ATXN2: variants seen among roughly 807,000 people sequenced by gnomAD.
ATXN2 encodes ataxin 2, also known as ataxin-2.
A neutral mutation model predicts 138.6 loss-of-function variants in ATXN2; 37 were observed. That is an observed-to-expected ratio of 0.27 (90% CI 0.21 to 0.35). ATXN2 has a LOEUF of 0.35. Among genes scored for constraint, ATXN2 ranks in the 10% least tolerant of loss-of-function variants. The probability of loss-of-function intolerance (pLI) is 1.00; values close to 1 mark genes in which losing one functional copy is unlikely to be tolerated. For synonymous variants in ATXN2, 549 were observed against 543.7 expected (o/e 1.01, Z -0.13); for missense variants, 1,216 against 1,480.3 (o/e 0.82, Z 2.93).
At chr12:111,596,845 A>C (rs997554646) in intron 1 of ATXN2, among the ~76,000 whole-genome samples, 3 of 152,196 alleles carry the variant, frequency 2.0e-5, no homozygotes, top group Non-Finnish European at 2.9e-5. Flanking sequence ...TTGATCACTC[A>C]AACTACTCAG....
chr12:111,524,467 T>C (rs1880369041), intron 6 of ATXN2, among the ~76,000 whole-genome samples: 1 of 152,180 alleles, frequency 6.6e-6, no homozygotes, highest in Non-Finnish European at 1.5e-5. Flanking sequence ...TTTGTTTTTA[T>C]TTTTATTTCT....
intron 5 of ATXN2, among the ~76,000 whole-genome samples, chr12:111,539,563 C>G (rs1193941236): frequency 6.7e-6 from 1 of 149,668 alleles, no homozygotes; most frequent in Admixed American, 6.7e-5. Context: ...TTGGCTAACA[C>G]GGTGAAACCC....
In ATXN2 at chr12:111,516,663, A is replaced by G. The variant is rs1044001980; in HGVS notation, c.1166-300T>C. Among the ~76,000 whole-genome samples, 1 of 152,238 alleles carries G rather than the reference A, an allele frequency of 6.6e-6. No homozygotes were observed. Among genetic ancestry groups the G allele is most frequent in the Non-Finnish European group, 1.5e-5 (1 of 68,042 alleles). ...GACTTTGCCTATTAATCCTGCTTCT[A>G]TAACTGTTTCTCAGTAACTGGTTGT... is the stretch of plus-strand genomic sequence containing the variant. On this transcript the variant is annotated intron_variant, in intron 9 of 24. Coordinates refer to ENST00000673436, the MANE Select transcript of ATXN2 (RefSeq NM_001372574.1). This position sits in a 1 kb window ranked among gnomAD's most constrained non-coding sequence, Gnocchi z 5.0.
intron 1 of ATXN2, chr12:111,581,447 AAGG>A (rs1172449742): frequency 1.2e-6 from 1 of 825,446 alleles, no homozygotes; most frequent in African/African-American, 1.7e-5. Flanking sequence ...TGAGATGCTC[AAGG>A]AGGAGCAAGA....
chr12:111,586,064 ATT>A (rs759657914), intron 1 of ATXN2, among the ~76,000 whole-genome samples: 8 of 150,472 alleles, frequency 5.3e-5, no homozygotes, highest in Non-Finnish European at 7.4e-5. Context: ...GACTGGCTAA[ATT>A]TTTTGTATTA....
chr12:111,507,117 G>A (rs1221834714), intron 14 of ATXN2, among the ~76,000 whole-genome samples: 1 of 151,996 alleles, frequency 6.6e-6, no homozygotes, highest in African/African-American at 2.4e-5. Context: ...GTCTCTGCCT[G>A]GCCACCCATC....
chr12:111,572,139 C>A (rs1229170995), intron 1 of ATXN2, among the ~76,000 whole-genome samples: 1 of 152,108 alleles, frequency 6.6e-6, no homozygotes, highest in East Asian at 1.9e-4. Flanking sequence ...GTGGTTCACA[C>A]TGGTAATCCC....
intron 17 of ATXN2, 84 bp from the exon 18 acceptor site, chr12:111,485,415 G>A: frequency 2.3e-6 from 3 of 1,316,618 alleles, no homozygotes; most frequent in Middle Eastern, 1.9e-4. Context: ...TATATTGCTA[G>A]AGAGCTAGGC....
chr12:111,535,353 G>A (rs180846082), intron 5 of ATXN2, among the ~76,000 whole-genome samples: 2 of 152,284 alleles, frequency 1.3e-5, no homozygotes, highest in South Asian at 2.1e-4. Context: ...AGGGGGCCGC[G>A]GTGGCTCACG....
At chr12:111,500,391 G>A (rs1054857328) in intron 14 of ATXN2, among the ~76,000 whole-genome samples, 9 of 152,272 alleles carry the variant, frequency 5.9e-5, no homozygotes, top group African/African-American at 1.9e-4. Context: ...ATTCTTACTC[G>A]TTTGCAGGCA....
In ATXN2 at chr12:111,597,963, G is replaced by A. The variant is rs1885019714; in HGVS notation, c.251+821C>T. The A allele has an allele frequency of 1.3e-5, 16 of 1,230,078 alleles. No homozygotes were observed. The Admixed American group carries it at 3.0e-4, about 23-fold the overall frequency. The allele number at this position is 1,230,078 out of a possible 1,614,324, so 76.2% of individuals were successfully genotyped here. A position where few individuals can be genotyped will look rare whatever the true frequency, so the allele number is the denominator to read the frequency against. The stretch of plus-strand genomic sequence containing the variant: ...CCACTGCGGCCTCGAACAGCAATGC[G>A]GATCGGCCACCACCCGCGCGCCGGA... On this transcript the variant is annotated intron_variant, in intron 1 of 24. Transcript: ENST00000673436.
intron 11 of ATXN2, 32 bp from the exon 12 acceptor site, chr12:111,510,614 TC>T: frequency 1.9e-6 from 3 of 1,553,140 alleles, no homozygotes; most frequent in Non-Finnish European, 2.6e-6. Context: ...TTTATTACAT[TC>T]TCAGTTCAAA....
intron 18 of ATXN2, among the ~76,000 whole-genome samples, chr12:111,480,421 T>C (rs1004848844): frequency 1.1e-4 from 17 of 152,196 alleles, no homozygotes; most frequent in African/African-American, 4.1e-4. Flanking sequence ...CACCTCAGCC[T>C]CTCAGCCTCC....
intron 1 of ATXN2, among the ~76,000 whole-genome samples, chr12:111,583,483 T>C (rs944090106): frequency 8.6e-5 from 13 of 152,006 alleles, no homozygotes; most frequent in Non-Finnish European, 1.6e-4. Context: ...GAGTGAACCA[T>C]GGCCAGGCAC....
intron 1 of ATXN2, among the ~76,000 whole-genome samples, chr12:111,557,607 T>C (rs1259546579): frequency 2.6e-5 from 4 of 152,176 alleles, no homozygotes; most frequent in African/African-American, 9.7e-5. Context: ...CAGTCAAGTA[T>C]CTTGACCAAA....
intron 5 of ATXN2, among the ~76,000 whole-genome samples, chr12:111,532,161 G>C (rs997430251): frequency 2.4e-4 from 37 of 152,100 alleles, no homozygotes; most frequent in Non-Finnish European, 2.5e-4. Flanking sequence ...GGCCAGAGCG[G>C]ATACCATATC....
intron 1 of ATXN2, chr12:111,581,706 C>A: frequency 1.5e-6 from 1 of 674,332 alleles, no homozygotes; most frequent in Non-Finnish European, 2.8e-6. Context: ...AACATCTGGG[C>A]CCTGATTGTG....
At chr12:111,457,129 A>G in intron 22 of ATXN2, 85 bp downstream of exon 22, 3 of 1,480,650 alleles carry the variant, frequency 2.0e-6, no homozygotes, top group Non-Finnish European at 2.7e-6. Context: ...ATGTGTTCTG[A>G]CGATGCGATA....
chr12:111,572,744 A>C (rs1468096264), intron 1 of ATXN2, among the ~76,000 whole-genome samples: 1 of 152,196 alleles, frequency 6.6e-6, no homozygotes, highest in African/African-American at 2.4e-5. Context: ...CTGGAAGACT[A>C]ACATGTACTG....
Sources: allele counts gnomAD v4.1 joint callset (sites outside exome capture counted in the v4.1 genomes callset), GRCh38; gene constraint gnomAD v4.1.1; non-coding constraint Gnocchi (gnomAD v3.1); transcripts MANE v1.5; gene names NCBI Gene and HGNC (gene_info 2026-07-23, HGNC 2026-07-21).